The following WDPCP variants were observed in gnomAD, a reference collection of about 807,000 sequenced individuals.
The protein encoded by WDPCP is WD repeat containing planar cell polarity effector.
WDPCP carries 71 observed loss-of-function variants against 93.1 expected under a neutral mutation model. The ratio of observed to expected loss-of-function variants is 0.76; its 90% CI spans 0.63 to 0.93. WDPCP has a LOEUF of 0.93. WDPCP is among the 40% of genes least tolerant of loss of function. The probability of loss-of-function intolerance (pLI) is 0.00; values close to 1 mark genes in which losing one functional copy is unlikely to be tolerated. For synonymous variants in WDPCP, 315 were observed against 315.0 expected, an observed-to-expected ratio of 1.00 and a Z score of 0.00; for missense variants, 844 against 887.4, an observed-to-expected ratio of 0.95 and a Z score of 0.62.
chr2:63,579,733 T>TTAGATAGG (rs1455526452), intron 1 of WDPCP, among the ~76,000 whole-genome samples: 1 of 150,204 alleles, frequency 6.7e-6, no homozygotes, highest in African/African-American at 2.5e-5. Flanking sequence ...AGTAGATAGA[T>TTAGATAGG]TAGATAGGTA....
At chr2:63,705,085 T>A (rs1345740314) in intron 2 of WDPCP, among the ~76,000 whole-genome samples, 1 of 152,260 alleles carries the variant, frequency 6.6e-6, no homozygotes, top group Non-Finnish European at 1.5e-5. Flanking sequence ...TTCATTTGCA[T>A]AGAGGTGTTT....
In WDPCP at chr2:63,366,321, C is replaced by G. The variant is rs557895338; in HGVS notation, c.1748+12065G>C. Among the ~76,000 whole-genome samples the G allele has an allele frequency of 2.6e-5, 4 of 151,990 alleles. No individual in the cohort carries two copies. In the South Asian group the frequency reaches 6.2e-4, roughly 24 times the overall value. On this transcript the variant is annotated intron_variant, in intron 12 of 17. Coordinates refer to ENST00000272321, the MANE Select transcript of WDPCP (RefSeq NM_015910.7). ...CCAACCCTACATGAAAAGTCTTATT[C>G]CTTAGCATTTAATTGATCTTGTTAG...
intron 1 of WDPCP, among the ~76,000 whole-genome samples, chr2:63,553,048 A>C (rs527849202): frequency 1.3e-5 from 2 of 152,358 alleles, no homozygotes; most frequent in African/African-American, 2.4e-5. Flanking sequence ...ATGGCACTGA[A>C]GGAAAAGCAT....
intron 9 of WDPCP, among the ~76,000 whole-genome samples, chr2:63,412,686 T>G (rs1297076269): frequency 6.6e-6 from 1 of 152,128 alleles, no homozygotes; most frequent in Non-Finnish European, 1.5e-5. Context: ...GCAAAGTTTC[T>G]GTATACAAGA....
chr2:63,781,004 G>A (rs912087703), intron 2 of WDPCP, among the ~76,000 whole-genome samples: 1 of 152,138 alleles, frequency 6.6e-6, no homozygotes, highest in African/African-American at 2.4e-5. Context: ...TGGAATCTCA[G>A]CACAGTTAGA....
At chr2:63,364,712 AAGTCATTTCAATATTTTC>A (rs1690757682) in intron 12 of WDPCP, among the ~76,000 whole-genome samples, 1 of 152,208 alleles carries the variant, frequency 6.6e-6, no homozygotes, top group African/African-American at 2.4e-5. Context: ...AGGACCTATG[AAGTCATTTCAATATTTTC>A]AATAACCTCT....
chr2:63,532,308 C>A (rs139331737), intron 1 of WDPCP, among the ~76,000 whole-genome samples: 2 of 152,180 alleles, frequency 1.3e-5, no homozygotes, highest in Non-Finnish European at 2.9e-5. Flanking sequence ...TCCAGGAGAA[C>A]TTCCCCAACC....
At chr2:63,720,996 T>C (rs1669406167) in intron 2 of WDPCP, among the ~76,000 whole-genome samples, 1 of 152,230 alleles carries the variant, frequency 6.6e-6, no homozygotes, top group African/African-American at 2.4e-5. Context: ...AATAGCAAAG[T>C]AATATCTCAT....
intron 17 of WDPCP, among the ~76,000 whole-genome samples, chr2:63,141,024 G>A (rs1671019657): frequency 6.6e-6 from 1 of 152,082 alleles, no homozygotes; most frequent in Non-Finnish European, 1.5e-5. Context: ...AATCATAAAG[G>A]GATGCTGGAT....
intron 2 of WDPCP, among the ~76,000 whole-genome samples, chr2:63,740,787 T>C (rs1331628917): frequency 2.6e-5 from 4 of 152,174 alleles, no homozygotes; most frequent in Non-Finnish European, 5.9e-5. Flanking sequence ...CTAGTCTTAC[T>C]GTACAAGGTA....
chr2:63,693,858 C>T (rs1169237144), intron 2 of WDPCP, among the ~76,000 whole-genome samples: 1 of 152,142 alleles, frequency 6.6e-6, no homozygotes, highest in African/African-American at 2.4e-5. Flanking sequence ...AAGGATTCTG[C>T]AATTGTATAC....
intron 3 of WDPCP, among the ~76,000 whole-genome samples, chr2:63,604,346 T>G (rs551917619): frequency 6.6e-6 from 1 of 152,336 alleles, no homozygotes; most frequent in South Asian, 2.1e-4. Flanking sequence ...AAACAAAAGA[T>G]CACATTTACA....
chr2:63,199,748 A>C (rs570921786), intron 14 of WDPCP, among the ~76,000 whole-genome samples: 1 of 152,304 alleles, frequency 6.6e-6, no homozygotes, highest in African/African-American at 2.4e-5. Context: ...AGGCCCCCCA[A>C]CCGACCCACA....
At chr2:63,531,441 G>A (rs1220983275) in intron 1 of WDPCP, among the ~76,000 whole-genome samples, 2 of 152,168 alleles carry the variant, frequency 1.3e-5, no homozygotes, top group Admixed American at 6.5e-5. Context: ...CCTCCCAGTA[G>A]GGCTGACAGA....
intron 15 of WDPCP, among the ~76,000 whole-genome samples, chr2:63,172,901 A>G (rs1449005180): frequency 6.6e-6 from 1 of 152,128 alleles, no homozygotes; most frequent in Non-Finnish European, 1.5e-5. Flanking sequence ...GTGAAGGAAG[A>G]AAGAAGCATA....
At chr2:63,236,140 A>G (rs1341745860) in intron 14 of WDPCP, among the ~76,000 whole-genome samples, 1 of 152,200 alleles carries the variant, frequency 6.6e-6, no homozygotes, top group Non-Finnish European at 1.5e-5. Context: ...AAAGTTTTGG[A>G]TACAAAATCA....
intron 12 of WDPCP, chr2:63,369,491 G>A: frequency 2.2e-6 from 1 of 456,590 alleles, no homozygotes; most frequent in African/African-American, 2.0e-5. Context: ...ACAGCGAGGA[G>A]TTACAAGCAA....
chr2:63,402,388 C>G (rs1023867075), intron 10 of WDPCP, among the ~76,000 whole-genome samples: 4 of 152,064 alleles, frequency 2.6e-5, no homozygotes, highest in Non-Finnish European at 4.4e-5. Flanking sequence ...ACCTAGATGA[C>G]AGGTTGATAG....
intron 17 of WDPCP, among the ~76,000 whole-genome samples, chr2:63,148,590 G>T (rs571046267): frequency 2.0e-5 from 3 of 151,644 alleles, no homozygotes. Context: ...CTGGCCTCAC[G>T]TGATCCACCC....
Sources: gnomAD v4.1 joint callset for allele counts (sites outside exome capture counted in the v4.1 genomes callset) on GRCh38, gnomAD v4.1.1 for gene constraint, MANE v1.5 for transcripts, NCBI Gene and HGNC (gene_info 2026-07-23, HGNC 2026-07-21) for gene names.